Variants in ADAMTS17 observed in about 807,000 individuals in gnomAD.
ADAMTS17 encodes the protein A disintegrin and metalloproteinase with thrombospondin motifs 17.
ADAMTS17 carries 113 observed loss-of-function variants against 141.5 expected under a neutral mutation model. That is an observed-to-expected ratio of 0.80 (90% confidence interval 0.69 to 0.93). ADAMTS17 has a LOEUF of 0.93. ADAMTS17 is among the 40% of genes least tolerant of loss of function. The probability of loss-of-function intolerance (pLI) is 0.00; values close to 1 mark genes in which losing one functional copy is unlikely to be tolerated. For synonymous variants in ADAMTS17, 768 were observed against 630.6 expected, an observed-to-expected ratio of 1.22 and a Z score of -3.27; for missense variants, 1,659 against 1,517.9, an observed-to-expected ratio of 1.09 and a Z score of -1.54.
intron 15 of ADAMTS17, among the ~76,000 whole-genome samples, chr15:100,081,751 G>GT (rs2141820647): frequency 6.6e-6 from 1 of 152,276 alleles, no homozygotes; most frequent in African/African-American, 2.4e-5. Context: ...AATCTTCTTA[G>GT]TATTTGCTAA....
chr15:100,124,661 C>T (rs1177183697), intron 12 of ADAMTS17, among the ~76,000 whole-genome samples: 1 of 152,214 alleles, frequency 6.6e-6, no homozygotes, highest in Non-Finnish European at 1.5e-5. Context: ...CATGCTCGAC[C>T]GTGATGAGCA....
chr15:100,310,089 C>G (rs2045354442), intron 3 of ADAMTS17, among the ~76,000 whole-genome samples: 1 of 152,218 alleles, frequency 6.6e-6, no homozygotes, highest in Non-Finnish European at 1.5e-5. Flanking sequence ...GGCAGCTTTT[C>G]AAACTCAGAG....
At chr15:100,092,963 A>G (rs2035557856) in intron 15 of ADAMTS17, among the ~76,000 whole-genome samples, 1 of 152,182 alleles carries the variant, frequency 6.6e-6, no homozygotes, top group Admixed American at 6.5e-5. Context: ...AATGAAATGA[A>G]AGCATCATAC....
chr15:100,057,004 G>C (rs1405063854), intron 15 of ADAMTS17, among the ~76,000 whole-genome samples: 1 of 152,102 alleles, frequency 6.6e-6, no homozygotes, highest in East Asian at 1.9e-4. Context: ...GTGTAAGACA[G>C]GGAGAGGAGA....
rs529920229 is a variant in ADAMTS17, at chr15:100,219,205, G to A, written c.1076-19782C>T. Among the ~76,000 whole-genome samples, 5 of 152,328 alleles carry A rather than the reference G, an allele frequency of 3.3e-5. No individual in the cohort carries two copies. The South Asian group carries it at 6.2e-4, about 19-fold the overall frequency. ...GGGGACAAGAGTGTTGACAGGAAATGTGGAATGACTTCTAACGAGTACAGG... is the reference window on the plus strand; with the variant it reads ...GGGGACAAGAGTGTTGACAGGAAATATGGAATGACTTCTAACGAGTACAGG... On this transcript the variant is annotated intron_variant, in intron 7 of 21. Coordinates refer to ENST00000268070, the MANE Select transcript of ADAMTS17 (RefSeq NM_139057.4).
At chr15:100,163,764 G>C (rs577016487) in intron 8 of ADAMTS17, among the ~76,000 whole-genome samples, 6 of 152,152 alleles carry the variant, frequency 3.9e-5, no homozygotes, top group Admixed American at 6.5e-5. Context: ...GTAGCTCCTA[G>C]GAAGTTTTCA....
intron 8 of ADAMTS17, among the ~76,000 whole-genome samples, chr15:100,165,833 C>T (rs898322108): frequency 1.3e-5 from 2 of 152,162 alleles, no homozygotes; most frequent in South Asian, 2.1e-4. Flanking sequence ...TCTGCCCCCC[C>T]TCAGGACAAA....
chr15:100,181,936 T>C (rs2040539787), intron 8 of ADAMTS17, among the ~76,000 whole-genome samples: 1 of 152,302 alleles, frequency 6.6e-6, no homozygotes, highest in South Asian at 2.1e-4. Context: ...TTCACGTTTA[T>C]TTAGAACCCC....
At chr15:100,329,511 G>C (rs978521893) in intron 3 of ADAMTS17, among the ~76,000 whole-genome samples, 1 of 137,588 alleles carries the variant, frequency 7.3e-6, no homozygotes, top group African/African-American at 3.0e-5. Flanking sequence ...GGGTGACAGA[G>C]TGAGATCGTG....
chr15:100,139,997 T>G (rs2038542369), intron 10 of ADAMTS17, among the ~76,000 whole-genome samples: 1 of 151,482 alleles, frequency 6.6e-6, no homozygotes, highest in Non-Finnish European at 1.5e-5. Context: ...TTATTTTTGT[T>G]TTTTATTTTT....
In ADAMTS17 at chr15:100,341,885, G is replaced by A. The variant is rs1392356933; in HGVS notation, c.15C>T (p.Ala5=). Residue 5 remains alanine (A), a synonymous_variant, in exon 1 of 22, where the codon GCC becomes GCT. Transcript: ENST00000268070. MCDG[A]LLPPLVLPVL... is the part of the protein sequence containing the mutation. ...CGGGCAGGACGAGCGGAGGCAGCAG[G>A]GCGCCGTCACACATGGTACCCGGGA... The A allele has an allele frequency of 6.4e-7, 1 of 1,551,390 alleles. No homozygotes were observed. Among genetic ancestry groups the A allele is most frequent in the Non-Finnish European group, 8.7e-7 (1 of 1,147,548 alleles).
chr15:100,084,984 CTGGA>C (rs2141840578), intron 15 of ADAMTS17, among the ~76,000 whole-genome samples: 1 of 152,278 alleles, frequency 6.6e-6, no homozygotes. Flanking sequence ...TGGAACAAAG[CTGGA>C]TGGAGAATGA....
intron 14 of ADAMTS17, among the ~76,000 whole-genome samples, chr15:100,106,095 C>G (rs2036399411): frequency 2.0e-5 from 3 of 152,070 alleles, no homozygotes; most frequent in Non-Finnish European, 4.4e-5. Context: ...CTCTCAGGCT[C>G]AAGTGATCCT....
intron 13 of ADAMTS17, among the ~76,000 whole-genome samples, chr15:100,111,452 C>T (rs2036776699): frequency 6.6e-6 from 1 of 152,216 alleles, no homozygotes; most frequent in South Asian, 2.1e-4. Context: ...CTGAGATTAG[C>T]TCGAGGGAGC....
At chr15:100,095,256 C>T (rs1222980858) in intron 15 of ADAMTS17, among the ~76,000 whole-genome samples, 1 of 152,198 alleles carries the variant, frequency 6.6e-6, no homozygotes, top group African/African-American at 2.4e-5. Context: ...TAAAATCCAC[C>T]TGAAATTTCA....
At chr15:100,278,763 C>T (rs900868919) in intron 4 of ADAMTS17, among the ~76,000 whole-genome samples, 2 of 152,206 alleles carry the variant, frequency 1.3e-5, no homozygotes, top group Admixed American at 6.5e-5. Context: ...TGGGGTTCCC[C>T]ACACCCAGTG....
chr15:100,323,432 A>C, intron 3 of ADAMTS17, among the ~76,000 whole-genome samples: 1 of 152,202 alleles, frequency 6.6e-6, no homozygotes, highest in Admixed American at 6.5e-5. Context: ...ATTACAGACT[A>C]TTTAGAAGTG....
intron 18 of ADAMTS17, among the ~76,000 whole-genome samples, chr15:100,048,074 G>C (rs1395947856): frequency 2.6e-5 from 4 of 152,134 alleles, no homozygotes; most frequent in Admixed American, 2.6e-4. Flanking sequence ...TGAAGCTCTT[G>C]TACTAGGCAA....
At chr15:100,117,035 G>A in intron 12 of ADAMTS17, 22 bp from the exon 13 acceptor site, 1 of 1,588,380 alleles carries the variant, frequency 6.3e-7, no homozygotes, top group Non-Finnish European at 8.6e-7. Context: ...AAGAAGGTCT[G>A]TGTTAACCAG....
Sources: allele counts gnomAD v4.1 joint callset (sites outside exome capture counted in the v4.1 genomes callset), GRCh38; gene constraint gnomAD v4.1.1; transcripts MANE v1.5; gene names NCBI Gene and HGNC (gene_info 2026-07-23, HGNC 2026-07-21).